TPTE2: variants seen among roughly 807,000 people sequenced by gnomAD.
The protein encoded by TPTE2 is transmembrane phosphoinositide 3-phosphatase and tensin homolog 2.
Under a neutral mutation model 78.6 loss-of-function variants are expected in TPTE2, and 53 were observed. The ratio of observed to expected loss-of-function variants is 0.67; its 90% CI spans 0.54 to 0.85. The LOEUF is 0.85. TPTE2 is among the 40% of genes least tolerant of loss of function. The pLI is 0.00. For synonymous variants in TPTE2, 175 were observed against 206.2 expected (o/e 0.85, Z 1.30); for missense variants, 461 against 623.0 (o/e 0.74, Z 2.77).
At chr13:19,523,882 T>C (rs937632972) in intron 1 of TPTE2, among the ~76,000 whole-genome samples, 2 of 152,192 alleles carry the variant, frequency 1.3e-5, no homozygotes, top group Non-Finnish European at 2.9e-5. Flanking sequence ...TCAGTCAACA[T>C]AGAAGCCAGA....
chr13:19,556,548 T>A, the TPTE2 span, among the ~76,000 whole-genome samples: 1 of 152,046 alleles, frequency 6.6e-6, no homozygotes, highest in Admixed American at 6.6e-5. Context: ...CACCTTTGAG[T>A]TGGAATCTCA....
chr13:19,537,060 C>T (rs1007126177), upstream of TPTE2, among the ~76,000 whole-genome samples: 1 of 151,688 alleles, frequency 6.6e-6, no homozygotes, highest in Non-Finnish European at 1.5e-5. Context: ...GATTTTTTGG[C>T]CTTCTAAGGG....
At chr13:19,438,921 C>T (rs1877299738) in intron 13 of TPTE2, among the ~76,000 whole-genome samples, 1 of 152,178 alleles carries the variant, frequency 6.6e-6, no homozygotes, top group Non-Finnish European at 1.5e-5. Flanking sequence ...CCCTCTGTCT[C>T]ACCTTTCCAC....
intron 3 of TPTE2, among the ~76,000 whole-genome samples, chr13:19,484,845 C>A (rs1237680261): frequency 6.6e-6 from 1 of 152,012 alleles, no homozygotes; most frequent in Non-Finnish European, 1.5e-5. Context: ...CTTTTTGCAT[C>A]CCTTCATTAT....
intron 4 of TPTE2, among the ~76,000 whole-genome samples, chr13:19,479,794 T>C (rs1026528501): frequency 1.3e-5 from 2 of 151,932 alleles, no homozygotes; most frequent in Non-Finnish European, 2.9e-5. Context: ...AAACTCCATC[T>C]CTACTAAAAA....
At chr13:19,543,682 G>A in the TPTE2 span, among the ~76,000 whole-genome samples, 57 of 152,044 alleles carry the variant, frequency 3.7e-4, no homozygotes, top group African/African-American at 1.3e-3. Flanking sequence ...ATAAATAATC[G>A]CAACCATCAA....
chr13:19,519,562 A>G (rs956504694), intron 1 of TPTE2, among the ~76,000 whole-genome samples: 6 of 152,250 alleles, frequency 3.9e-5, no homozygotes, highest in Admixed American at 2.6e-4. Flanking sequence ...TAGTCTTGGT[A>G]CCCTTGTGGA....
At chr13:19,445,604 A>G (rs1877775375) in intron 13 of TPTE2, among the ~76,000 whole-genome samples, 1 of 152,238 alleles carries the variant, frequency 6.6e-6, no homozygotes, top group Admixed American at 6.5e-5. Context: ...TACACTCAAC[A>G]AAAATGTGGC....
chr13:19,553,984 C>G, the TPTE2 span, among the ~76,000 whole-genome samples: 1 of 152,266 alleles, frequency 6.6e-6, no homozygotes, highest in African/African-American at 2.4e-5. Context: ...CAATATCTAT[C>G]CCTTGGCTAC....
At chr13:19,469,567 A>C (rs1377781603) in intron 6 of TPTE2, among the ~76,000 whole-genome samples, 1 of 152,156 alleles carries the variant, frequency 6.6e-6, no homozygotes, top group Non-Finnish European at 1.5e-5. Flanking sequence ...GAAGAATGTC[A>C]TTCATATTTT....
At chr13:19,497,528 C>G (rs548893755) in intron 1 of TPTE2, among the ~76,000 whole-genome samples, 3 of 76,476 alleles carry the variant, frequency 3.9e-5, no homozygotes, top group Non-Finnish European at 1.1e-4. Flanking sequence ...AGGCACCCCC[C>G]AGCAGGGGCA....
At chr13:19,507,318 A>AC (rs1475516400), upstream of TPTE2, among the ~76,000 whole-genome samples, 1 of 151,566 alleles carries the variant, frequency 6.6e-6, no homozygotes, top group Non-Finnish European at 1.5e-5. Context: ...AAAAAAAAAA[A>AC]AAAAAAACAC....
chr13:19,439,835 G>C (rs1322795995), intron 13 of TPTE2, among the ~76,000 whole-genome samples: 1 of 151,908 alleles, frequency 6.6e-6, no homozygotes. Context: ...TCAATAGACT[G>C]GACAAAGTAG....
intron 18 of TPTE2, among the ~76,000 whole-genome samples, chr13:19,426,090 C>T (rs977223861): frequency 4.0e-5 from 6 of 149,550 alleles, no homozygotes; most frequent in African/African-American, 1.5e-4. Flanking sequence ...AGATGCAAAA[C>T]AAAATGTAAT....
chr13:19,548,161 G>T, the TPTE2 span, among the ~76,000 whole-genome samples: 2 of 152,136 alleles, frequency 1.3e-5, no homozygotes, highest in Non-Finnish European at 2.9e-5. Context: ...GCAGTTAGTA[G>T]CAATGACCAA....
chr13:19,497,925 C>T (rs1444067827), intron 1 of TPTE2, among the ~76,000 whole-genome samples: 2 of 151,536 alleles, frequency 1.3e-5, no homozygotes, highest in Non-Finnish European at 2.9e-5. Flanking sequence ...GAAGGTATAA[C>T]TAGAATAACC....
At chr13:19,456,937 G>C (rs1409221250) in intron 10 of TPTE2, among the ~76,000 whole-genome samples, 1 of 152,120 alleles carries the variant, frequency 6.6e-6, no homozygotes, top group Non-Finnish European at 1.5e-5. Context: ...GTCACTATAA[G>C]GCCATAATAA....
At chr13:19,446,125 T>G (rs888644292) in intron 13 of TPTE2, among the ~76,000 whole-genome samples, 23 of 152,340 alleles carry the variant, frequency 1.5e-4, no homozygotes, top group Middle Eastern at 3.4e-3. Flanking sequence ...GATTCACATG[T>G]ACAACTCAAT....
At chr13:19,529,535 C>T (rs1437960446) in intron 1 of TPTE2, among the ~76,000 whole-genome samples, 3 of 152,174 alleles carry the variant, frequency 2.0e-5, no homozygotes, top group South Asian at 2.1e-4. Flanking sequence ...TTCAGCCCAT[C>T]GAACTCAGAA....
Sources: allele counts gnomAD v4.1 joint callset (sites outside exome capture counted in the v4.1 genomes callset), GRCh38; gene constraint gnomAD v4.1.1; transcripts MANE v1.5; gene names NCBI Gene and HGNC (gene_info 2026-07-23, HGNC 2026-07-21).